The following ZRANB3 variants were observed in gnomAD, a reference collection of about 807,000 sequenced individuals.
ZRANB3 encodes the protein zinc finger RANBP2-type containing 3.
Under a neutral mutation model 133.8 loss-of-function variants are expected in ZRANB3, and 125 were observed. The ratio of observed to expected loss-of-function variants is 0.93; its 90% CI spans 0.81 to 1.08. The LOEUF is 1.08. ZRANB3 is among the 50% of genes least tolerant of loss of function. ZRANB3 has a pLI of 0.00. For synonymous variants in ZRANB3, 387 were observed against 432.7 expected, an observed-to-expected ratio of 0.89 and a Z score of 1.31; for missense variants, 1,229 against 1,275.5, an observed-to-expected ratio of 0.96 and a Z score of 0.56.
intron 8 of ZRANB3, among the ~76,000 whole-genome samples, chr2:135,276,125 G>A (rs1466551756): frequency 6.6e-6 from 1 of 151,474 alleles, no homozygotes; most frequent in Non-Finnish European, 1.5e-5. Context: ...GTAGAACAGA[G>A]TTAAGGAGAA....
chr2:135,495,819 G>A (rs1290379426), intron 2 of ZRANB3, among the ~76,000 whole-genome samples: 2 of 152,038 alleles, frequency 1.3e-5, no homozygotes, highest in African/African-American at 4.8e-5. Flanking sequence ...AAACACAGGG[G>A]TATTCAGTGT....
At chr2:135,274,833 G>A (rs1264633758) in intron 9 of ZRANB3, among the ~76,000 whole-genome samples, 1 of 152,096 alleles carries the variant, frequency 6.6e-6, no homozygotes, top group Non-Finnish European at 1.5e-5. Context: ...GACTCTTAAC[G>A]AGCATGCTGC....
At chr2:135,437,943 G>A (rs368976444) in intron 2 of ZRANB3, among the ~76,000 whole-genome samples, 1 of 152,136 alleles carries the variant, frequency 6.6e-6, no homozygotes, top group Non-Finnish European at 1.5e-5. Flanking sequence ...AATCAGTGGA[G>A]AGTGTGAATA....
At position 135,350,025 on chromosome 2, in the gene ZRANB3, T is replaced by G; in HGVS notation, c.550A>C (p.Ile184Leu). The G allele has an allele frequency of 1.2e-6, 2 of 1,613,850 alleles. No homozygotes were observed. Among genetic ancestry groups the G allele is most frequent in the South Asian group, 2.2e-5 (2 of 91,084 alleles). Reference sequence around the variant, plus strand: ...AAAGCTGGTGTTCCTGTAAGAAGAATGGCTCGTCTGGCTTTCTGTACTATT... The same window carrying G: ...AAAGCTGGTGTTCCTGTAAGAAGAAGGGCTCGTCTGGCTTTCTGTACTATT... The part of the protein sequence containing the change: ...LPIVQKARRA[I>L]LLTGTPALGR... Residue 184 changes from isoleucine (I) to leucine (L), a missense_variant, in exon 5 of 21, where the codon ATT becomes CTT. Transcript: ENST00000264159.
Position 135,245,926 on chromosome 2 carries a change from C to CAAAAAAAAAAAAAAAAAAAAAA in ZRANB3, c.1540-15021_1540-15000dup, listed in dbSNP as rs1177438717. On this transcript the variant is annotated intron_variant, in intron 12 of 20. Transcript: ENST00000264159. ...GGGCAACGAGATTGAAACTCCGTCT[C>CAAAAAAAAAAAAAAAAAAAAAA]AAAAAAAAAAAAAAAAAAAAAAGAG... Among the ~76,000 whole-genome samples, 13 of 19,552 alleles carry CAAAAAAAAAAAAAAAAAAAAAA rather than the reference C, an allele frequency of 6.6e-4. 1 individual carries two copies. The highest frequency in any genetic ancestry group is 2.9e-3 in the African/African-American group (10 of 3,508). 12.8% of individuals were successfully genotyped at this position (19,552 alleles called of 152,430 possible).
intron 8 of ZRANB3, 64 bp downstream of exon 8, chr2:135,313,425 A>C: frequency 1.9e-6 from 2 of 1,068,894 alleles, no homozygotes; most frequent in Non-Finnish European, 2.7e-6. Context: ...GCTTAATTAA[A>C]AACAGTAAAA....
intron 2 of ZRANB3, among the ~76,000 whole-genome samples, chr2:135,436,277 T>C (rs543952170): frequency 6.6e-6 from 1 of 152,162 alleles, no homozygotes; most frequent in Non-Finnish European, 1.5e-5. Flanking sequence ...CAGATAGTCA[T>C]AGATGTACAG....
At chr2:135,213,980 G>A (rs549923031) in intron 17 of ZRANB3, among the ~76,000 whole-genome samples, 2 of 152,108 alleles carry the variant, frequency 1.3e-5, no homozygotes, top group South Asian at 2.1e-4. Flanking sequence ...TGGTCCAGCC[G>A]ACAGCCAGCA....
In ZRANB3 at chr2:135,269,030, C is replaced by T. The variant is rs1412528478; in HGVS notation, c.1318G>A (p.Val440Met). The T allele has an allele frequency of 6.2e-7, 1 of 1,612,550 alleles. No homozygotes were observed. Among genetic ancestry groups the T allele is most frequent in the African/African-American group, 1.3e-5 (1 of 74,754 alleles). ...TTTGCAATAAGGTAGTGAATATTCA[C>T]AGAACTGCACTGGCCAATTCTGTGA... Reference protein sequence around the residue: ...RAHRIGQCSSVNIHYLIANGT... With the variant: ...RAHRIGQCSSMNIHYLIANGT... The change falls in exon 11 of 21, where the codon GTG becomes ATG. Residue 440 changes from valine to methionine, a missense_variant. By Grantham distance (21) the Val-to-Met change is conservative (BLOSUM62 1). Transcript: ENST00000264159.
intron 12 of ZRANB3, among the ~76,000 whole-genome samples, chr2:135,253,528 T>C (rs1406418354): frequency 1.3e-5 from 2 of 152,032 alleles, no homozygotes; most frequent in Non-Finnish European, 2.9e-5. Flanking sequence ...CATCATAGAG[T>C]GTACTTCACA....
chr2:135,511,793 G>A (rs1357117668), intron 1 of ZRANB3: 1 of 761,580 alleles, frequency 1.3e-6, no homozygotes, highest in Non-Finnish European at 2.5e-6. Flanking sequence ...GCATCTGCTA[G>A]CTTTCTATTT....
intron 12 of ZRANB3, among the ~76,000 whole-genome samples, chr2:135,244,267 A>T (rs556468972): frequency 1.3e-5 from 2 of 152,214 alleles, no homozygotes; most frequent in East Asian, 3.9e-4. Flanking sequence ...GGCCAAACAG[A>T]TCAAACCACC....
At chr2:135,483,840 T>C (rs1192679054) in intron 2 of ZRANB3, among the ~76,000 whole-genome samples, 2 of 152,206 alleles carry the variant, frequency 1.3e-5, no homozygotes, top group African/African-American at 2.4e-5. Flanking sequence ...TCAAAGAATA[T>C]CTTTATTTCT....
intron 1 of ZRANB3, among the ~76,000 whole-genome samples, chr2:135,518,431 T>C (rs1693789325): frequency 6.6e-6 from 1 of 152,156 alleles, no homozygotes; most frequent in South Asian, 2.1e-4. Context: ...ACGAAGCCCA[T>C]GGGAAAAGCA....
chr2:135,284,386 C>A (rs925152154), intron 8 of ZRANB3, among the ~76,000 whole-genome samples: 2 of 152,198 alleles, frequency 1.3e-5, no homozygotes, highest in African/African-American at 4.8e-5. Flanking sequence ...AAATCATAAC[C>A]TATGACTCCT....
At chr2:135,395,218 G>C (rs1687433956) in intron 2 of ZRANB3, among the ~76,000 whole-genome samples, 1 of 151,958 alleles carries the variant, frequency 6.6e-6, no homozygotes, top group Non-Finnish European at 1.5e-5. Flanking sequence ...AACTCATTTT[G>C]GACAAAGCTG....
At chr2:135,318,601 C>T in intron 6 of ZRANB3, among the ~76,000 whole-genome samples, 1 of 152,074 alleles carries the variant, frequency 6.6e-6, no homozygotes. Context: ...ATAATGGAAA[C>T]AGTTCCAGAA....
intron 3 of ZRANB3, among the ~76,000 whole-genome samples, chr2:135,386,817 G>C (rs947314200): frequency 6.6e-5 from 10 of 152,018 alleles, no homozygotes; most frequent in African/African-American, 2.4e-4. Flanking sequence ...ACAGGGCAGG[G>C]AACATCACAC....
chr2:135,413,809 CTTAAAG>C (rs1688426412), intron 2 of ZRANB3, among the ~76,000 whole-genome samples: 1 of 152,016 alleles, frequency 6.6e-6, no homozygotes, highest in Non-Finnish European at 1.5e-5. Flanking sequence ...ATTCAACATT[CTTAAAG>C]AAAAGAATTT....
Sources: gnomAD v4.1 joint callset for allele counts (sites outside exome capture counted in the v4.1 genomes callset) on GRCh38, gnomAD v4.1.1 for gene constraint, MANE v1.5 for transcripts, NCBI Gene and HGNC (gene_info 2026-07-23, HGNC 2026-07-21) for gene names.